Variants in NRG1 observed in about 807,000 individuals in gnomAD.
NRG1 encodes the protein pro-neuregulin-1, membrane-bound isoform.
In NRG1, 18 loss-of-function variants were observed where a neutral mutation model predicts 63.8. The ratio of observed to expected loss-of-function variants is 0.28; its 90% CI spans 0.19 to 0.42. The LOEUF (loss-of-function observed/expected upper bound fraction) is 0.42, where lower values mean the gene tolerates loss of function less well. Ranked by LOEUF, NRG1 falls within the 10% of genes least tolerant of loss-of-function variation. The pLI is 1.00. For synonymous variants in NRG1, 302 were observed against 301.3 expected (o/e 1.00, Z -0.02); for missense variants, 762 against 814.7 (o/e 0.94, Z 0.79).
chr8:32,371,883 T>G lies in NRG1; in HGVS notation c.38-223945T>G, dbSNP rs561069974. On this transcript the variant is annotated intron_variant, in intron 1 of 10. Transcript: ENST00000519301. ...TAGAAAAATTAAAACTATGGTTTGT[T>G]AAAGCTTCTATTCTGATGGTCTCTG... Among the ~76,000 whole-genome samples the G allele has an allele frequency of 5.3e-5, 8 of 152,324 alleles. No homozygotes were observed. The East Asian group carries it at 1.2e-3, about 22-fold the overall frequency.
intron 1 of NRG1, among the ~76,000 whole-genome samples, chr8:31,653,008 C>CCCTCCACTCT (rs1805043226): frequency 1.1e-5 from 1 of 87,986 alleles, no homozygotes; most frequent in African/African-American, 4.8e-5. Context: ...TCCTCTCCTC[C>CCCTCCACTCT]CCTCCCCTCC....
chr8:32,336,574 G>C lies in NRG1; in HGVS notation c.38-259254G>C, dbSNP rs534755991. 2.8e-4 allele frequency among the ~76,000 whole-genome samples: 43 copies of C among 152,242 alleles called. No individual in the cohort carries two copies. The South Asian group carries it at 8.5e-3, about 30-fold the overall frequency. ...GAGACCCAAGAGGCTAGTCAGTTTC[G>C]ACTGGTGCTTAGAGGCCATGGTAGA... On this transcript the variant is annotated intron_variant, in intron 1 of 10. Coordinates refer to the NRG1 transcript ENST00000519301.
At chr8:32,341,138 GA>G (rs1454775473) in intron 1 of NRG1, among the ~76,000 whole-genome samples, 2 of 152,166 alleles carry the variant, frequency 1.3e-5, no homozygotes, top group African/African-American at 4.8e-5. Flanking sequence ...TAGGTCTATA[GA>G]TATACTGTCT....
chr8:32,769,446 C>G (rs904176879), downstream of NRG1, among the ~76,000 whole-genome samples: 3 of 152,148 alleles, frequency 2.0e-5, no homozygotes, highest in African/African-American at 7.2e-5. Flanking sequence ...GTCTTTCTAA[C>G]CTGAGTCTTC....
chr8:31,759,193 C>T (rs188829596), intron 1 of NRG1, among the ~76,000 whole-genome samples: 120 of 152,138 alleles, frequency 7.9e-4, no homozygotes, highest in Non-Finnish European at 1.3e-3. Flanking sequence ...TGTAGCTTGC[C>T]TTTTCAATTT....
At chr8:32,538,158 G>A (rs1362585392) in intron 1 of NRG1, among the ~76,000 whole-genome samples, 1 of 152,112 alleles carries the variant, frequency 6.6e-6, no homozygotes, top group African/African-American at 2.4e-5. Flanking sequence ...AGCTGAGACA[G>A]TGACCCTCTG....
intron 1 of NRG1, among the ~76,000 whole-genome samples, chr8:31,893,739 T>TA (rs1831336154): frequency 1.3e-5 from 2 of 151,912 alleles, no homozygotes; most frequent in African/African-American, 4.8e-5. Context: ...TTGTGGTCTG[T>TA]AAAGAATAGT....
chr8:32,729,054 C>T lies in NRG1; in HGVS notation c.632+976C>T, dbSNP rs577089461. 8.3e-4 allele frequency among the ~76,000 whole-genome samples: 126 copies of T among 152,044 alleles called. 1 individual carries two copies. Among genetic ancestry groups the T allele is most frequent in the South Asian group, 4.2e-4 (2 of 4,810 alleles). On this transcript the variant is annotated intron_variant, in intron 6 of 11. Transcript: ENST00000356819. ...CTGCACTCCAGCCTGGGTGACAGAG[C>T]GAGACTCCGTCCCAAAAAATAAAAA...
At chr8:31,798,619 G>A (rs147085739) in intron 1 of NRG1, among the ~76,000 whole-genome samples, 96 of 152,144 alleles carry the variant, frequency 6.3e-4, no homozygotes, top group African/African-American at 2.2e-3. Context: ...TAGTTAATAC[G>A]GTTTTGTTTG....
chr8:31,863,510 G>T (rs1319855815), intron 1 of NRG1, among the ~76,000 whole-genome samples: 1 of 152,086 alleles, frequency 6.6e-6, no homozygotes, highest in Non-Finnish European at 1.5e-5. Context: ...TGATACATAT[G>T]TCATATTTAC....
chr8:32,010,686 G>C (rs1240983739), intron 1 of NRG1, among the ~76,000 whole-genome samples: 1 of 151,954 alleles, frequency 6.6e-6, no homozygotes, highest in Non-Finnish European at 1.5e-5. Context: ...GGCTCTCCCA[G>C]CATTACCCTT....
chr8:31,686,142 T>G (rs996305148), intron 1 of NRG1, among the ~76,000 whole-genome samples: 1 of 152,216 alleles, frequency 6.6e-6, no homozygotes, highest in Non-Finnish European at 1.5e-5. Flanking sequence ...ACTACATTTC[T>G]GTTTTAATAA....
chr8:32,575,071 T>A (rs553262903), intron 1 of NRG1, among the ~76,000 whole-genome samples: 2 of 152,172 alleles, frequency 1.3e-5, no homozygotes, highest in South Asian at 4.1e-4. Context: ...GAACAGCAGA[T>A]CATAAATCCC....
chr8:32,228,508 A>C (rs1846568681), intron 1 of NRG1, among the ~76,000 whole-genome samples: 1 of 152,078 alleles, frequency 6.6e-6, no homozygotes, highest in African/African-American at 2.4e-5. Context: ...TTGTGATATG[A>C]TTCTACTTTC....
At chr8:32,430,271 T>C (rs115784151) in intron 1 of NRG1, among the ~76,000 whole-genome samples, 2,169 of 152,274 alleles carry the variant, frequency 0.014, 57 homozygotes, top group African/African-American at 0.049. Flanking sequence ...TCCTTAAATA[T>C]AGAACTATTT....
intron 1 of NRG1, among the ~76,000 whole-genome samples, chr8:31,819,939 C>G (rs968981327): frequency 1.3e-5 from 2 of 152,192 alleles, no homozygotes; most frequent in African/African-American, 4.8e-5. Flanking sequence ...ATCTTTACAT[C>G]AAGTTTCTCA....
rs917261045 is a variant in NRG1, at chr8:32,535,520, A to T, written c.38-60308A>T. ...ACCACGACCCTCTAAAAATAGAAAA[A>T]AAGCCACAACTCTTCAGGTCCTCCT... is the stretch of plus-strand genomic sequence containing the variant. On this transcript the variant is annotated intron_variant, in intron 1 of 10. Transcript: ENST00000519301. Among the ~76,000 whole-genome samples the T allele has an allele frequency of 1.3e-5, 2 of 152,190 alleles. 1 individual carries two copies. Among genetic ancestry groups the T allele is most frequent in the African/African-American group, 4.8e-5 (2 of 41,440 alleles).
At chr8:31,772,813 A>C (rs1818759966) in intron 1 of NRG1, among the ~76,000 whole-genome samples, 1 of 152,226 alleles carries the variant, frequency 6.6e-6, no homozygotes, top group Non-Finnish European at 1.5e-5. Flanking sequence ...TGGGAGTCAC[A>C]CCATTGTCCA....
intron 1 of NRG1, among the ~76,000 whole-genome samples, chr8:31,809,371 C>T (rs576441109): frequency 1.5e-4 from 21 of 139,616 alleles, no homozygotes; most frequent in Admixed American, 8.0e-4. Context: ...TATATATACA[C>T]GTATATATAC....
Sources: gnomAD v4.1 joint callset for allele counts (sites outside exome capture counted in the v4.1 genomes callset) on GRCh38, gnomAD v4.1.1 for gene constraint, MANE v1.5 for transcripts, NCBI Gene and HGNC (gene_info 2026-07-23, HGNC 2026-07-21) for gene names.